ATAD2: variants seen among roughly 807,000 people sequenced by gnomAD.
ATAD2 encodes ATPase family AAA domain containing 2, also known as ATPase family AAA domain-containing protein 2.
A neutral mutation model predicts 168.9 loss-of-function variants in ATAD2; 62 were observed. The observed-to-expected ratio is 0.37, with a 90% CI of 0.30 to 0.45. ATAD2 has a LOEUF of 0.45. ATAD2 is among the 20% of genes least tolerant of loss of function. The pLI, the probability that ATAD2 is intolerant of heterozygous loss-of-function variation, is 1.00. For synonymous variants in ATAD2, 613 were observed against 571.6 expected (o/e 1.07, Z -1.03); for missense variants, 1,419 against 1,667.8 (o/e 0.85, Z 2.60).
At chr8:123,344,634 A>C (rs552603043) in intron 19 of ATAD2, 2 of 395,130 alleles carry the variant, frequency 5.1e-6, no homozygotes, top group South Asian at 4.6e-5. Flanking sequence ...GGCGTGAGCC[A>C]CTGCACCCGG....
At position 123,328,458 on chromosome 8, in the gene ATAD2, A is replaced by T. The variant is rs1563832422; in HGVS notation, c.3600T>A (p.Ser1200Arg). 1 of 1,608,826 alleles carries T rather than the reference A, an allele frequency of 6.2e-7. No homozygotes were observed. The highest frequency in any genetic ancestry group is 8.5e-7 in the Non-Finnish European group (1 of 1,178,056). ...SQNAIDHKIE[S>R]DTEETQDTSV... ...TTGTGTCTTGAGTTTCCTCTGTATC[A>T]CTCTCAATTTTGTGATCTATGGCAT... is the stretch of plus-strand genomic sequence containing the variant. The change falls in exon 25 of 28, where the codon AGT becomes AGA. Residue 1200 changes from serine (S) to arginine (R), a missense_variant. Physicochemically the swap from Ser to Arg is moderately radical, Grantham distance 110 (BLOSUM62 -1). Transcript: ENST00000287394.
At chr8:123,347,509 C>T (rs9297666) in intron 15 of ATAD2, 103 bp from the exon 16 acceptor site, 1 of 1,155,834 alleles carries the variant, frequency 8.7e-7, no homozygotes, top group South Asian at 1.6e-5. Flanking sequence ...AAAAATCAGC[C>T]TCGGAATATA....
In ATAD2 at chr8:123,338,553, G is replaced by T. The variant is rs114734603; in HGVS notation, c.2855-732C>A. Among the ~76,000 whole-genome samples the T allele has an allele frequency of 6.0e-3, 908 of 152,204 alleles. 5 individuals are homozygous for T. Among genetic ancestry groups the T allele is most frequent in the African/African-American group, 0.02 (850 of 41,514 alleles). ...AATGAGTACTCAGGATGAAAAAAAG[G>T]ATTATTAGAGTCCTGCCACAATGAG... On this transcript the variant is annotated intron_variant, in intron 20 of 27. Transcript: ENST00000287394.
In ATAD2 at chr8:123,408,937, C is replaced by T. The variant is rs140074322; in HGVS notation, c.-2282+7311G>A. Among the ~76,000 whole-genome samples, 339 of 152,030 alleles carry T rather than the reference C, an allele frequency of 2.2e-3. 2 individuals carry two copies. Among genetic ancestry groups the T allele is most frequent in the African/African-American group, 7.8e-3 (324 of 41,468 alleles). On this transcript the variant is annotated intron_variant, in intron 1 of 28. Transcript: ENST00000521903. ...CCGCCTCCCAAGTTCAAGCGATTCT[C>T]GTGGCTCAGCCTCCTCAGTAGCTGG...
At chr8:123,339,225 G>A (rs1828000709) in intron 20 of ATAD2, 86 bp downstream of exon 20, 1 of 1,191,942 alleles carries the variant, frequency 8.4e-7, no homozygotes, top group South Asian at 1.7e-5. Context: ...TTGAGCTTGT[G>A]TTATCAGATA....
At position 123,359,168 on chromosome 8, in the gene ATAD2, GA is replaced by G; in HGVS notation, c.1382+52del. ...AATAAGCAAGGTATAAGAACTACAA[GA>G]AGCAAGAATAGCAAAGATTTTCAGC... On this transcript the variant is annotated intron_variant, in intron 11 of 27. Transcript: ENST00000287394. The G allele has an allele frequency of 2.2e-6, 3 of 1,347,232 alleles. No homozygotes were observed. The South Asian group carries it at 4.1e-5, about 18-fold the overall frequency. 83.5% of individuals were successfully genotyped at this position (1,347,232 alleles called of 1,614,324 possible).
At position 123,348,399 on chromosome 8, in the gene ATAD2, G is replaced by T; in HGVS notation, c.1807-126C>A. On this transcript the variant is annotated intron_variant, in intron 14 of 27. Transcript: ENST00000287394. ...AAGTGATCAGTACTTAATACTGGCCGGGTGCGGTGGCTCACACCTGTAATC... is the reference window on the plus strand; with the variant it reads ...AAGTGATCAGTACTTAATACTGGCCTGGTGCGGTGGCTCACACCTGTAATC... 2 of 673,362 alleles carry T rather than the reference G, an allele frequency of 3.0e-6. 1 individual carries two copies. Among genetic ancestry groups the T allele is most frequent in the East Asian group, 7.4e-5 (2 of 26,856 alleles). 41.7% of individuals were successfully genotyped at this position (673,362 alleles called of 1,614,324 possible).
chr8:123,371,102 A>T (rs1829137439), intron 5 of ATAD2, 112 bp from the exon 6 acceptor site: 1 of 1,121,076 alleles, frequency 8.9e-7, no homozygotes. Context: ...ATAAACTCTT[A>T]CATTTCCAGC....
In ATAD2 at chr8:123,347,359, A is replaced by G. The variant is rs1554643553; in HGVS notation, c.1945T>C (p.Cys649Arg). The G allele has an allele frequency of 6.2e-7, 1 of 1,613,972 alleles. No homozygotes were observed. Among genetic ancestry groups the G allele is most frequent in the East Asian group, 2.2e-5 (1 of 44,882 alleles). ...IKSICAEAAL[C>R]ALRRRYPQIY... is the part of the protein sequence containing the mutation. ...TGTGGGTAGCGTCGTCGTAAAGCAC[A>G]TAAAGCAGCTTCAGCACATATTGAT... The change falls in exon 16 of 28, where the codon TGT becomes CGT. Residue 649 changes from cysteine to arginine, a missense_variant. Coordinates refer to ENST00000287394, the MANE Select transcript of ATAD2 (RefSeq NM_014109.4).
chr8:123,369,114 T>C lies in ATAD2; in HGVS notation c.993A>G (p.Pro331=). Residue 331 remains proline (P), a synonymous_variant, in exon 8 of 28, where the codon CCA becomes CCG. Coordinates refer to ENST00000287394, the MANE Select transcript of ATAD2 (RefSeq NM_014109.4). ...GTCCTGCGGAAGATAATCGGTATCT[T>C]GGTCTTGCAGGAGAAGCTGGGCCAC... is the stretch of plus-strand genomic sequence containing the variant. ...FYSGPASPAR[P]RYRLSSAGPR... is the part of the protein sequence containing the mutation. 5.0e-6 allele frequency: 8 copies of C among 1,598,058 alleles called. No individual in the cohort carries two copies. The highest frequency in any genetic ancestry group is 6.8e-6 in the Non-Finnish European group (8 of 1,169,856).
chr8:123,330,622 A>C (rs2131286855), intron 24 of ATAD2, among the ~76,000 whole-genome samples: 1 of 152,284 alleles, frequency 6.6e-6, no homozygotes, highest in Non-Finnish European at 1.5e-5. Context: ...CTGGCCTCCC[A>C]AAATGCTGGG....
chr8:123,387,590 T>C (rs1352862157), intron 1 of ATAD2, among the ~76,000 whole-genome samples: 1 of 152,188 alleles, frequency 6.6e-6, no homozygotes, highest in Non-Finnish European at 1.5e-5. Context: ...AGATGTAATA[T>C]TCTCATTTAT....
At chr8:123,401,883 C>T in intron 1 of ATAD2, 1 of 765,264 alleles carries the variant, frequency 1.3e-6, no homozygotes, top group East Asian at 2.4e-5. Flanking sequence ...GTGAAGATCA[C>T]ACAGGGTGTC....
At chr8:123,336,865 CATA>C (rs1416002607) in intron 21 of ATAD2, among the ~76,000 whole-genome samples, 2 of 151,856 alleles carry the variant, frequency 1.3e-5, no homozygotes, top group African/African-American at 4.8e-5. Context: ...TTGTGTAGGT[CATA>C]ATAATATCAT....
intron 1 of ATAD2, among the ~76,000 whole-genome samples, chr8:123,395,459 C>T (rs1812779105): frequency 6.6e-6 from 1 of 152,166 alleles, no homozygotes; most frequent in Admixed American, 6.5e-5. Context: ...CTTGTAACTG[C>T]AGCATGACGG....
At chr8:123,412,848 AG>A (rs1813181445) in intron 1 of ATAD2, among the ~76,000 whole-genome samples, 1 of 152,176 alleles carries the variant, frequency 6.6e-6, no homozygotes, top group South Asian at 2.1e-4. Context: ...TAGCAGTATA[AG>A]GCTATGTCAG....
At chr8:123,390,717 A>T (rs1364091520) in intron 1 of ATAD2, among the ~76,000 whole-genome samples, 1 of 152,238 alleles carries the variant, frequency 6.6e-6, no homozygotes, top group East Asian at 1.9e-4. Flanking sequence ...TAACACACAG[A>T]AAAGTAAAAA....
rs374687650 is a variant in ATAD2, at chr8:123,371,641, T to C, written c.536+29A>G. 4 of 1,569,496 alleles carry C rather than the reference T, an allele frequency of 2.5e-6. No individual in the cohort carries two copies. In the African/African-American group the frequency reaches 4.1e-5, roughly 16 times the overall value. ...CAACAAAAAGTCTCTGACAGATAAA[T>C]CATCTTGATCTAAGGAATTTTTACT... On this transcript the variant is annotated intron_variant, in intron 4 of 27. Transcript: ENST00000287394.
rs375436567 is a variant in ATAD2 at position 123,415,720 on chromosome 8, G to A, written c.-2282+528C>T. Among the ~76,000 whole-genome samples the A allele has an allele frequency of 1.3e-4, 20 of 152,110 alleles. No individual in the cohort carries two copies. In the East Asian group the frequency reaches 3.7e-3, roughly 28 times the overall value. On this transcript the variant is annotated intron_variant, in intron 1 of 28. Coordinates refer to the ATAD2 transcript ENST00000521903. ...GGCGATTCTCTTGCCTCAGCCTCCC[G>A]AGTATCTGGGATTACAGGCGCGCGC...
Sources: gnomAD v4.1 joint callset for allele counts (sites outside exome capture counted in the v4.1 genomes callset) on GRCh38, gnomAD v4.1.1 for gene constraint, MANE v1.5 for transcripts, NCBI Gene and HGNC (gene_info 2026-07-23, HGNC 2026-07-21) for gene names.